TMEM108: variants seen among roughly 807,000 people sequenced by gnomAD.
TMEM108 encodes the protein transmembrane protein 108, also known as cancer/testis antigen 124.
In TMEM108, 12 loss-of-function variants were observed where a neutral mutation model predicts 35.1. That is an observed-to-expected ratio of 0.34 (90% confidence interval 0.22 to 0.55). The LOEUF is 0.55. Ranked by LOEUF, TMEM108 falls within the 20% of genes least tolerant of loss-of-function variation. TMEM108 has a pLI of 0.89. For synonymous variants in TMEM108, 287 were observed against 308.6 expected (o/e 0.93, Z 0.73); for missense variants, 680 against 753.3 (o/e 0.90, Z 1.14).
At chr3:133,068,905 T>C (rs1685284077) in intron 2 of TMEM108, among the ~76,000 whole-genome samples, 1 of 152,130 alleles carries the variant, frequency 6.6e-6, no homozygotes, top group Admixed American at 6.6e-5. Flanking sequence ...AGGAAAGGCT[T>C]CCTGGGGCAG....
At chr3:133,041,077 T>C (rs910507600) in intron 1 of TMEM108, among the ~76,000 whole-genome samples, 1 of 152,188 alleles carries the variant, frequency 6.6e-6, no homozygotes, top group African/African-American at 2.4e-5. Flanking sequence ...TGAGATCATC[T>C]GATAGGGAAG....
chr3:133,342,553 T>TACACACAC (rs917114357), intron 3 of TMEM108, among the ~76,000 whole-genome samples: 1 of 89,316 alleles, frequency 1.1e-5, no homozygotes, highest in African/African-American at 3.7e-5. Context: ...GGTATATATA[T>TACACACAC]ATACACACAC....
chr3:133,103,291 G>T (rs1017055504), intron 2 of TMEM108, among the ~76,000 whole-genome samples: 1 of 152,140 alleles, frequency 6.6e-6, no homozygotes, highest in Non-Finnish European at 1.5e-5. Flanking sequence ...CAGGGACATG[G>T]AATGAGCTGG....
intron 3 of TMEM108, among the ~76,000 whole-genome samples, chr3:133,268,533 A>G (rs931109665): frequency 2.6e-5 from 4 of 152,236 alleles, no homozygotes; most frequent in Non-Finnish European, 4.4e-5. Flanking sequence ...CTACTTCAAA[A>G]CTAGAATGCA....
chr3:133,175,513 A>T (rs547041486), intron 2 of TMEM108, among the ~76,000 whole-genome samples: 1 of 152,180 alleles, frequency 6.6e-6, no homozygotes, highest in Non-Finnish European at 1.5e-5. Flanking sequence ...GTGGGGGCCA[A>T]TATTCAACAT....
At chr3:133,135,426 T>C (rs1944551688) in intron 2 of TMEM108, among the ~76,000 whole-genome samples, 1 of 152,194 alleles carries the variant, frequency 6.6e-6, no homozygotes, top group African/African-American at 2.4e-5. Flanking sequence ...TATGGAAGGC[T>C]ATGAGTATAT....
At chr3:133,101,390 G>T (rs1559832502) in intron 2 of TMEM108, among the ~76,000 whole-genome samples, 1 of 152,130 alleles carries the variant, frequency 6.6e-6, no homozygotes, top group Non-Finnish European at 1.5e-5. Context: ...CTCTCTCCAA[G>T]CACTTTCCAT....
chr3:133,086,406 G>A (rs1400455778), intron 2 of TMEM108, among the ~76,000 whole-genome samples: 1 of 152,112 alleles, frequency 6.6e-6, no homozygotes, highest in Non-Finnish European at 1.5e-5. Flanking sequence ...TTGAGGCATA[G>A]TGAGGGTTTT....
intron 3 of TMEM108, among the ~76,000 whole-genome samples, chr3:133,362,662 C>T (rs1559928005): frequency 6.6e-6 from 1 of 152,116 alleles, no homozygotes; most frequent in Admixed American, 6.5e-5. Context: ...GCTCTGCAGC[C>T]ACCTCTAATC....
rs140213697 is a variant in TMEM108 at position 133,307,605 on chromosome 3, T to G, written c.41-72147T>G. 2.2e-4 allele frequency among the ~76,000 whole-genome samples: 34 copies of G among 152,242 alleles called. No individual in the cohort carries two copies. In the East Asian group the frequency reaches 4.8e-3, roughly 22 times the overall value. On this transcript the variant is annotated intron_variant, in intron 3 of 5. Coordinates refer to ENST00000321871, the MANE Select transcript of TMEM108 (RefSeq NM_023943.4). ...ATCTACATATGGCTAGCCAGTTTTC[T>G]CAGCACCATTTATTAAATAGGGAAT...
chr3:133,372,588 C>A (rs2072707751), intron 3 of TMEM108, among the ~76,000 whole-genome samples: 1 of 152,198 alleles, frequency 6.6e-6, no homozygotes, highest in South Asian at 2.1e-4. Flanking sequence ...CCCTGTCTCA[C>A]ATGACTTTCT....
chr3:133,322,535 A>G (rs1026660685), intron 3 of TMEM108, among the ~76,000 whole-genome samples: 4 of 152,166 alleles, frequency 2.6e-5, no homozygotes, highest in Admixed American at 2.0e-4. Context: ...TAATAAAAAA[A>G]TTAACAGCAA....
chr3:133,189,345 T>G (rs898947484), intron 2 of TMEM108, among the ~76,000 whole-genome samples: 4 of 152,236 alleles, frequency 2.6e-5, no homozygotes, highest in Non-Finnish European at 5.9e-5. Flanking sequence ...TGTATAAACA[T>G]GGACCCTCTT....
intron 3 of TMEM108, among the ~76,000 whole-genome samples, chr3:133,241,740 A>G (rs1162198310): frequency 6.7e-6 from 1 of 149,656 alleles, no homozygotes; most frequent in East Asian, 2.0e-4. Flanking sequence ...TCAGCCTCCC[A>G]AGTAGCTGGG....
intron 2 of TMEM108, among the ~76,000 whole-genome samples, chr3:133,066,681 A>G (rs1943612466): frequency 1.3e-5 from 2 of 152,212 alleles, no homozygotes; most frequent in African/African-American, 4.8e-5. Context: ...TATTATACAT[A>G]GAAGAGCAGT....
chr3:133,294,201 T>G (rs56269716), intron 3 of TMEM108, among the ~76,000 whole-genome samples: 17,961 of 152,270 alleles, frequency 0.12, 1,473 homozygotes, highest in East Asian at 0.38. Flanking sequence ...GTGATAGTGT[T>G]AAATATAAGG....
At chr3:133,288,797 T>C (rs1947021472) in intron 3 of TMEM108, among the ~76,000 whole-genome samples, 1 of 152,172 alleles carries the variant, frequency 6.6e-6, no homozygotes, top group African/African-American at 2.4e-5. Context: ...TGGAGTGCAG[T>C]GGTGCAATCT....
chr3:133,379,592 A>G (rs2072940811), intron 3 of TMEM108, 160 bp from the exon 4 acceptor site: 1 of 711,782 alleles, frequency 1.4e-6, no homozygotes, highest in East Asian at 2.5e-5. Flanking sequence ...CCCCAGCTCC[A>G]CAGACAGTTC....
chr3:133,202,960 C>T (rs746537331), intron 2 of TMEM108, among the ~76,000 whole-genome samples: 14 of 152,002 alleles, frequency 9.2e-5, no homozygotes, highest in Admixed American at 2.0e-4. Flanking sequence ...TGTCTGCTCT[C>T]ATTTCCTTGA....
Sources: allele counts gnomAD v4.1 joint callset (sites outside exome capture counted in the v4.1 genomes callset), GRCh38; gene constraint gnomAD v4.1.1; transcripts MANE v1.5; gene names NCBI Gene and HGNC (gene_info 2026-07-23, HGNC 2026-07-21).